Variants in DNAJC5 observed in about 807,000 individuals in gnomAD.
The protein encoded by DNAJC5 is DnaJ heat shock protein family (Hsp40) member C5.
Under a neutral mutation model 23.2 loss-of-function variants are expected in DNAJC5, and 1 was observed. The observed-to-expected ratio is 0.04, with a 90% CI of 0.02 to 0.20. DNAJC5 has a LOEUF of 0.20. Ranked by LOEUF, DNAJC5 falls within the 10% of genes least tolerant of loss-of-function variation. The probability of loss-of-function intolerance (pLI) is 1.00; values close to 1 mark genes in which losing one functional copy is unlikely to be tolerated. For missense variants in DNAJC5, 180 were observed against 267.0 expected (o/e 0.67, Z 2.27); for synonymous variants, 136 against 120.0 (o/e 1.13, Z -0.87).
intron 1 of DNAJC5, among the ~76,000 whole-genome samples, chr20:63,924,005 G>A (rs1466723176): frequency 2.0e-5 from 3 of 152,094 alleles, no homozygotes; most frequent in Non-Finnish European, 4.4e-5. Flanking sequence ...GTGCCTTTCA[G>A]TATGAATCTA....
intron 1 of DNAJC5, among the ~76,000 whole-genome samples, chr20:63,901,541 C>T (rs75574398): frequency 0.024 from 3,663 of 152,342 alleles, 59 homozygotes; most frequent in Middle Eastern, 0.075. Flanking sequence ...GCTGCGTCCG[C>T]GCGCTCCACA....
At chr20:63,927,575 C>T (rs2053627323) in intron 1 of DNAJC5, among the ~76,000 whole-genome samples, 1 of 151,374 alleles carries the variant, frequency 6.6e-6, no homozygotes, top group Non-Finnish European at 1.5e-5. Context: ...TGTGTGTTCT[C>T]TAGATGTTGG....
intron 1 of DNAJC5, among the ~76,000 whole-genome samples, chr20:63,915,516 A>C (rs1463717940): frequency 6.6e-6 from 1 of 152,180 alleles, no homozygotes; most frequent in Non-Finnish European, 1.5e-5. Flanking sequence ...AACATTTTTA[A>C]CCAGTGAAGG....
chr20:63,908,290 G>A (rs760267634), intron 1 of DNAJC5, among the ~76,000 whole-genome samples: 2 of 152,242 alleles, frequency 1.3e-5, no homozygotes, highest in Non-Finnish European at 2.9e-5. Context: ...AGGCCAGGGG[G>A]TGAGTGTGGG....
intron 1 of DNAJC5, among the ~76,000 whole-genome samples, chr20:63,910,683 T>TTC (rs1568978437): frequency 4.2e-4 from 63 of 151,008 alleles, no homozygotes; most frequent in African/African-American, 1.3e-3. Context: ...TTTTTTTTTT[T>TTC]TTTAATTGAG....
chr20:63,901,015 A>G lies in DNAJC5; in HGVS notation c.-12+5692A>G, dbSNP rs546315731. Among the ~76,000 whole-genome samples, 5 of 152,314 alleles carry G rather than the reference A, an allele frequency of 3.3e-5. No individual in the cohort carries two copies. The South Asian group carries it at 8.3e-4, about 25-fold the overall frequency. ...AGTCTCGCTCTGTCATCCAGGCTGG[A>G]GTGCAGTGGCACGATCGTGTCTCAC... On this transcript the variant is annotated intron_variant, in intron 1 of 4. Coordinates refer to ENST00000360864, the MANE Select transcript of DNAJC5 (RefSeq NM_025219.3).
At chr20:63,917,449 C>T (rs774069666) in intron 1 of DNAJC5, among the ~76,000 whole-genome samples, 16 of 152,154 alleles carry the variant, frequency 1.1e-4, no homozygotes, top group Admixed American at 6.5e-5. Flanking sequence ...GATGGGGTTT[C>T]GCTGTGTTGT....
intron 1 of DNAJC5, among the ~76,000 whole-genome samples, chr20:63,903,647 T>G (rs531724535): frequency 7.2e-5 from 11 of 152,202 alleles, no homozygotes; most frequent in African/African-American, 2.6e-4. Flanking sequence ...TAGAAATTTT[T>G]AAAAAATTAA....
chr20:63,907,244 T>G (rs1250855277), intron 1 of DNAJC5, among the ~76,000 whole-genome samples: 1 of 152,198 alleles, frequency 6.6e-6, no homozygotes, highest in Non-Finnish European at 1.5e-5. Context: ...CGATGTACGG[T>G]GCTTGGGAGG....
rs2053633217 is a variant in DNAJC5 at position 63,928,387 on chromosome 20, G to C, written c.42G>C (p.Glu14Asp). 5 of 1,614,068 alleles carry C rather than the reference G, an allele frequency of 3.1e-6. No homozygotes were observed. Among genetic ancestry groups the C allele is most frequent in the Non-Finnish European group, 3.4e-6 (4 of 1,180,030 alleles). ...QRQRSLSTSGESLYHVLGLDK... is the reference protein window; with the variant it reads ...QRQRSLSTSGDSLYHVLGLDK... ...AGCGCTCACTGTCTACCTCTGGGGA[G>C]TCATTGTACCACGTCCTTGGGTTGG... The change falls in exon 2 of 5, where the codon GAG (glutamate) becomes GAC (aspartate). Residue 14 changes from glutamate (E) to aspartate (D), a missense_variant. This residue lies in a region of DNAJC5 where 77 missense variants were observed against 106.8 expected (regional missense o/e 0.72). Coordinates refer to ENST00000360864, the MANE Select transcript of DNAJC5 (RefSeq NM_025219.3). This position sits in a 1 kb window ranked among gnomAD's most constrained non-coding sequence, Gnocchi z 4.6.
At chr20:63,904,285 A>G (rs537922924) in intron 1 of DNAJC5, among the ~76,000 whole-genome samples, 1 of 152,178 alleles carries the variant, frequency 6.6e-6, no homozygotes, top group Non-Finnish European at 1.5e-5. Context: ...AGGATTTACA[A>G]AATTACCCTT....
rs148026224 is a variant in DNAJC5, at chr20:63,896,114, C to T, written c.-12+791C>T. On this transcript the variant is annotated intron_variant, in intron 1 of 4. Coordinates refer to ENST00000360864, the MANE Select transcript of DNAJC5 (RefSeq NM_025219.3). ...GGGAAGATTTGATGGTGGTTAGACA[C>T]GTCTGCCCTTATTTGCCTGTTTAGA... Among the ~76,000 whole-genome samples the T allele has an allele frequency of 2.5e-3, 381 of 152,296 alleles. 2 individuals carry two copies. The highest frequency in any genetic ancestry group is 8.8e-3 in the African/African-American group (364 of 41,562).
At position 63,907,753 on chromosome 20, in the gene DNAJC5, C is replaced by T. The variant is rs529004390; in HGVS notation, c.-12+12430C>T. On this transcript the variant is annotated intron_variant, in intron 1 of 4. Coordinates refer to ENST00000360864, the MANE Select transcript of DNAJC5 (RefSeq NM_025219.3). ...ATGCATGTGTTTTACTACTTAACTACCTCTGAAATTTAGGGGTTTTTTGTT... is the reference window on the plus strand; with the variant it reads ...ATGCATGTGTTTTACTACTTAACTATCTCTGAAATTTAGGGGTTTTTTGTT... Among the ~76,000 whole-genome samples the T allele has an allele frequency of 4.6e-5, 7 of 152,282 alleles. No individual in the cohort carries two copies. The East Asian group carries it at 1.2e-3, about 25-fold the overall frequency.
In DNAJC5 at chr20:63,895,157, CTGCCGCTGCCGCTGCCGG is replaced by C. The variant is rs941287791; in HGVS notation, c.-171_-154del. ...GTGAGCGTGCTCGTCTCCGCTGCCG[CTGCCGCTGCCGCTGCCGG>C]TGCCGCACCCGCGCCCTCTGCCGCC... On this transcript the variant is annotated 5_prime_UTR_variant, in exon 1 of 5. Transcript: ENST00000360864. The C allele has an allele frequency of 1.7e-3, 256 of 154,160 alleles. No individual in the cohort carries two copies. The highest frequency in any genetic ancestry group is 3.1e-3 in the Non-Finnish European group (213 of 69,530). 9.5% of individuals were successfully genotyped at this position (154,160 alleles called of 1,614,324 possible). A position where few individuals can be genotyped will look rare whatever the true frequency, so the allele number is the denominator to read the frequency against.
chr20:63,898,947 A>AC (rs2053391722), intron 1 of DNAJC5, among the ~76,000 whole-genome samples: 1 of 152,114 alleles, frequency 6.6e-6, no homozygotes, highest in African/African-American at 2.4e-5. Flanking sequence ...TCCAAGAAGC[A>AC]CCGTCTTCTG....
At chr20:63,904,520 G>T (rs1446905663) in intron 1 of DNAJC5, among the ~76,000 whole-genome samples, 2 of 152,168 alleles carry the variant, frequency 1.3e-5, no homozygotes, top group Non-Finnish European at 2.9e-5. Flanking sequence ...CTTGAACAGG[G>T]AGCTGGTCCA....
At chr20:63,906,131 C>T (rs910689053) in intron 1 of DNAJC5, among the ~76,000 whole-genome samples, 1 of 152,210 alleles carries the variant, frequency 6.6e-6, no homozygotes, top group East Asian at 1.9e-4. Context: ...TAAAATATAG[C>T]CAATAAAACA....
rs2295436 is a variant in DNAJC5 at position 63,929,545 on chromosome 20, C to T, written c.321+20C>T. 52,040 of 1,457,746 alleles carry T rather than the reference C, an allele frequency of 0.036. 2,347 individuals are homozygous for T. Among genetic ancestry groups the T allele is most frequent in the East Asian group, 0.1 (4,453 of 42,678 alleles). 90.3% of individuals were successfully genotyped at this position (1,457,746 alleles called of 1,614,324 possible). On this transcript the variant is annotated intron_variant, in intron 3 of 4. Transcript: ENST00000360864. This position sits in a 1 kb window ranked among gnomAD's most constrained non-coding sequence, Gnocchi z 8.6. ...GCCAAGGTGAGGGCGAGCTGCCTGC[C>T]GTGCGGGCACCCGAGTCACTCCTGC...
chr20:63,929,974 A>G lies in DNAJC5; in HGVS notation c.321+449A>G, dbSNP rs1018635524. 1.3e-5 allele frequency among the ~76,000 whole-genome samples: 2 copies of G among 152,244 alleles called. No individual in the cohort carries two copies. The highest frequency in any genetic ancestry group is 4.8e-5 in the African/African-American group (2 of 41,460). The stretch of plus-strand genomic sequence containing the variant: ...CAGGGAAGAGCCGTGCGGAGCCGCC[A>G]GGGTTTCTTCTGTAAATGGCTCCCA... On this transcript the variant is annotated intron_variant, in intron 3 of 4. Coordinates refer to ENST00000360864, the MANE Select transcript of DNAJC5 (RefSeq NM_025219.3). This position sits in a 1 kb window ranked among gnomAD's most constrained non-coding sequence, Gnocchi z 8.6.
Sources: gnomAD v4.1 joint callset for allele counts (sites outside exome capture counted in the v4.1 genomes callset) on GRCh38, gnomAD v4.1.1 for gene constraint, gnomAD v4.1.1 regional missense constraint, Gnocchi (gnomAD v3.1) non-coding constraint, MANE v1.5 for transcripts, NCBI Gene and HGNC (gene_info 2026-07-23, HGNC 2026-07-21) for gene names.